Variants in BICC1 observed in about 807,000 individuals in gnomAD.
BICC1 encodes the protein protein bicaudal C homolog 1.
In BICC1, 43 loss-of-function variants were observed where a neutral mutation model predicts 111.0. The ratio of observed to expected loss-of-function variants is 0.39; its 90% CI spans 0.30 to 0.50. BICC1 has a LOEUF of 0.50. BICC1 is among the 20% of genes least tolerant of loss of function. The probability of loss-of-function intolerance (pLI) is 0.88; values close to 1 mark genes in which losing one functional copy is unlikely to be tolerated. For missense variants in BICC1, 1,091 were observed against 1,203.2 expected, an observed-to-expected ratio of 0.91 and a Z score of 1.38; for synonymous variants, 467 against 434.4, an observed-to-expected ratio of 1.07 and a Z score of -0.93.
In BICC1 at chr10:58,585,303, T is replaced by A. The variant is rs78754771; in HGVS notation, c.191-35552T>A. ...TGTGTGGCCATTGTCAAGTCACTTT[T>A]AAAAATCAGGTATGATTCAGTTGGT... On this transcript the variant is annotated intron_variant, in intron 1 of 20. Coordinates refer to ENST00000373886, the MANE Select transcript of BICC1 (RefSeq NM_001080512.3). 7.9e-3 allele frequency among the ~76,000 whole-genome samples: 1,207 copies of A among 152,302 alleles called. 14 individuals are homozygous for A. Among genetic ancestry groups the A allele is most frequent in the African/African-American group, 0.027 (1,143 of 41,566 alleles).
At chr10:58,647,846 T>G (rs4948307) in intron 2 of BICC1, among the ~76,000 whole-genome samples, 151,293 of 152,262 alleles carry the variant, frequency 0.99, 75,167 homozygotes, top group Middle Eastern at 1. Flanking sequence ...ACTAGCTGAA[T>G]TTTTCTCCAG....
At chr10:58,723,566 A>C (rs771000425) in intron 3 of BICC1, among the ~76,000 whole-genome samples, 1 of 152,144 alleles carries the variant, frequency 6.6e-6, no homozygotes, top group Non-Finnish European at 1.5e-5. Context: ...AAGCCTGAGG[A>C]CTGGGGATTT....
chr10:58,786,775 A>G, intron 4 of BICC1, 148 bp from the exon 5 acceptor site: 4 of 431,464 alleles, frequency 9.3e-6, no homozygotes, highest in East Asian at 3.6e-5. Context: ...TAGCAGGAGA[A>G]CACTTATAGA....
intron 1 of BICC1, among the ~76,000 whole-genome samples, chr10:58,541,894 A>T (rs1362266685): frequency 6.6e-6 from 1 of 152,100 alleles, no homozygotes; most frequent in Non-Finnish European, 1.5e-5. Flanking sequence ...TCACACCTGT[A>T]ATCGCAGCAC....
At chr10:58,683,083 T>C (rs1397435721) in intron 2 of BICC1, among the ~76,000 whole-genome samples, 7 of 152,204 alleles carry the variant, frequency 4.6e-5, no homozygotes, top group Non-Finnish European at 1.0e-4. Flanking sequence ...AGGGATCCAG[T>C]TTCAGCTTTC....
At chr10:58,755,686 ATTT>A (rs921873059) in intron 3 of BICC1, among the ~76,000 whole-genome samples, 1 of 147,326 alleles carries the variant, frequency 6.8e-6, no homozygotes, top group Non-Finnish European at 1.5e-5. Context: ...TCTCCTTTTT[ATTT>A]TTTTTTTCTT....
At chr10:58,583,866 A>G (rs781481922) in intron 1 of BICC1, among the ~76,000 whole-genome samples, 80 of 152,230 alleles carry the variant, frequency 5.3e-4, no homozygotes, top group South Asian at 1.2e-3. Flanking sequence ...CTACAGTGGT[A>G]GTACTAGTTT....
At chr10:58,814,188 C>A in intron 18 of BICC1, 1 of 669,360 alleles carries the variant, frequency 1.5e-6, no homozygotes, top group Non-Finnish European at 2.7e-6. Flanking sequence ...TTTGTGCGTG[C>A]TTTCACTCTA....
At chr10:58,601,868 T>G (rs1388233647) in intron 1 of BICC1, among the ~76,000 whole-genome samples, 2 of 152,102 alleles carry the variant, frequency 1.3e-5, no homozygotes, top group Non-Finnish European at 2.9e-5. Flanking sequence ...GATCAAAAAT[T>G]TATTTTCAAA....
chr10:58,732,353 A>ATG (rs371077730), intron 3 of BICC1, among the ~76,000 whole-genome samples: 1 of 82,158 alleles, frequency 1.2e-5, no homozygotes, highest in African/African-American at 6.1e-5. Context: ...AGAGGAGTGT[A>ATG]TGTGTGTGTG....
intron 3 of BICC1, among the ~76,000 whole-genome samples, chr10:58,726,929 C>T (rs1470679240): frequency 1.3e-5 from 2 of 152,116 alleles, no homozygotes; most frequent in Non-Finnish European, 2.9e-5. Context: ...CTTTTTCCTC[C>T]TAGAATTTGG....
chr10:58,553,857 A>G (rs1843367815), intron 1 of BICC1, among the ~76,000 whole-genome samples: 1 of 151,748 alleles, frequency 6.6e-6, no homozygotes, highest in South Asian at 2.1e-4. Context: ...CAAAAATGTA[A>G]AAAAAACCAG....
At chr10:58,560,697 A>G (rs1375736355) in intron 1 of BICC1, among the ~76,000 whole-genome samples, 1 of 151,802 alleles carries the variant, frequency 6.6e-6, no homozygotes, top group Non-Finnish European at 1.5e-5. Context: ...ATTGCTGTAA[A>G]CTGTTTTCTT....
At chr10:58,649,818 A>G (rs1427883751) in intron 2 of BICC1, among the ~76,000 whole-genome samples, 1 of 149,194 alleles carries the variant, frequency 6.7e-6, no homozygotes, top group Non-Finnish European at 1.5e-5. Flanking sequence ...TTGCATGTAT[A>G]GGAACTAAGG....
At chr10:58,615,822 C>T (rs1239219902) in intron 1 of BICC1, among the ~76,000 whole-genome samples, 1 of 152,118 alleles carries the variant, frequency 6.6e-6, no homozygotes, top group Non-Finnish European at 1.5e-5. Context: ...CTGGTGGAAA[C>T]CTAGGTGGTG....
At chr10:58,608,277 C>T (rs1845299296) in intron 1 of BICC1, among the ~76,000 whole-genome samples, 1 of 152,140 alleles carries the variant, frequency 6.6e-6, no homozygotes, top group African/African-American at 2.4e-5. Flanking sequence ...TGGGACCTCC[C>T]CTGGTGAAGA....
At chr10:58,808,199 T>C (rs977528236) in intron 17 of BICC1, among the ~76,000 whole-genome samples, 1 of 152,118 alleles carries the variant, frequency 6.6e-6, no homozygotes, top group Non-Finnish European at 1.5e-5. Context: ...GTTTTAAAGA[T>C]TGAAGTTACC....
intron 3 of BICC1, among the ~76,000 whole-genome samples, chr10:58,744,771 C>G (rs529627924): frequency 2.0e-5 from 3 of 152,078 alleles, no homozygotes; most frequent in African/African-American, 7.2e-5. Flanking sequence ...TGCCTCTGGA[C>G]CAGGGTTCAA....
At chr10:58,670,388 C>T (rs1335326783) in intron 2 of BICC1, among the ~76,000 whole-genome samples, 2 of 152,094 alleles carry the variant, frequency 1.3e-5, no homozygotes, top group Non-Finnish European at 2.9e-5. Context: ...ACTCCTATGA[C>T]GATATAGACC....
Sources: gnomAD v4.1 joint callset for allele counts (sites outside exome capture counted in the v4.1 genomes callset) on GRCh38, gnomAD v4.1.1 for gene constraint, MANE v1.5 for transcripts, NCBI Gene and HGNC (gene_info 2026-07-23, HGNC 2026-07-21) for gene names.